The following IFT57 variants were observed in gnomAD, a reference collection of about 807,000 sequenced individuals.
IFT57 encodes the protein intraflagellar transport 57.
Under a neutral mutation model 56.8 loss-of-function variants are expected in IFT57, and 59 were observed. The ratio of observed to expected loss-of-function variants is 1.04; its 90% CI spans 0.84 to 1.29. IFT57 has a LOEUF of 1.29. IFT57 is among the 50% of genes most tolerant of loss of function. IFT57 has a pLI of 0.00. For synonymous variants in IFT57, 209 were observed against 186.1 expected, an observed-to-expected ratio of 1.12 and a Z score of -1.00; for missense variants, 470 against 522.1, an observed-to-expected ratio of 0.90 and a Z score of 0.97.
chr3:108,163,968 A>T (rs1332838593), intron 9 of IFT57, among the ~76,000 whole-genome samples: 1 of 152,002 alleles, frequency 6.6e-6, no homozygotes, highest in Non-Finnish European at 1.5e-5. Context: ...CTGTTTTCTC[A>T]TGTTGCAATA....
intron 6 of IFT57, among the ~76,000 whole-genome samples, chr3:108,170,085 G>A (rs116725858): frequency 0.012 from 1,900 of 152,078 alleles, 38 homozygotes; most frequent in Admixed American, 0.061. Context: ...TTGAAAACCG[G>A]AAAAAGACAA....
chr3:108,214,578 A>G (rs1240355255), intron 3 of IFT57, among the ~76,000 whole-genome samples: 1 of 152,174 alleles, frequency 6.6e-6, no homozygotes, highest in Non-Finnish European at 1.5e-5. Flanking sequence ...ACAATACTGA[A>G]GGAGAGTAAC....
Position 108,167,879 on chromosome 3 carries a change from C to T in IFT57, c.778-15G>A. 1 of 1,552,604 alleles carries T rather than the reference C, an allele frequency of 6.4e-7. No individual in the cohort carries two copies. The highest frequency in any genetic ancestry group is 8.7e-7 in the Non-Finnish European group (1 of 1,147,716). On this transcript the variant is annotated splice_polypyrimidine_tract_variant and intron_variant, in intron 6 of 10. Transcript: ENST00000264538. The stretch of plus-strand genomic sequence containing the variant: ...ATTCTCCAATCCTACAGGCATAGAG[C>T]ACATAGAAATAATGTAAAAAATACT...
At chr3:108,183,929 C>T (rs1030383275) in intron 6 of IFT57, among the ~76,000 whole-genome samples, 1 of 152,098 alleles carries the variant, frequency 6.6e-6, no homozygotes, top group Non-Finnish European at 1.5e-5. Flanking sequence ...GGCAGCTCAG[C>T]TTCAACTATT....
At chr3:108,201,071 T>G (rs1420475944) in intron 5 of IFT57, among the ~76,000 whole-genome samples, 2 of 152,202 alleles carry the variant, frequency 1.3e-5, no homozygotes, top group Non-Finnish European at 2.9e-5. Flanking sequence ...GGTAGAATTA[T>G]TTGTGCCCCA....
intron 5 of IFT57, among the ~76,000 whole-genome samples, chr3:108,202,710 A>T (rs1386047970): frequency 6.6e-6 from 1 of 152,230 alleles, no homozygotes; most frequent in Admixed American, 6.5e-5. Context: ...CACTAATTGC[A>T]GTTGTTGGCA....
chr3:108,189,867 A>G (rs527882998), intron 6 of IFT57, among the ~76,000 whole-genome samples: 2 of 152,030 alleles, frequency 1.3e-5, no homozygotes, highest in Non-Finnish European at 2.9e-5. Context: ...GCATTCTTAC[A>G]GCAAAGTAAA....
chr3:108,206,308 T>C (rs970492967), intron 5 of IFT57, among the ~76,000 whole-genome samples: 1 of 151,412 alleles, frequency 6.6e-6, no homozygotes, highest in African/African-American at 2.4e-5. Flanking sequence ...TCTTGGCCTA[T>C]TAAAATGGAA....
At chr3:108,187,548 C>T in intron 6 of IFT57, among the ~76,000 whole-genome samples, 1 of 149,908 alleles carries the variant, frequency 6.7e-6, no homozygotes, top group Admixed American at 6.7e-5. Context: ...GATTTTGTTT[C>T]TTTACTTCTC....
At chr3:108,189,531 C>T (rs2080203546) in intron 6 of IFT57, among the ~76,000 whole-genome samples, 2 of 152,178 alleles carry the variant, frequency 1.3e-5, no homozygotes, top group Middle Eastern at 3.4e-3. Flanking sequence ...TATCTAGAAC[C>T]TCATTCCATA....
chr3:108,163,289 T>G (rs1024194584), intron 10 of IFT57, among the ~76,000 whole-genome samples: 1 of 152,136 alleles, frequency 6.6e-6, no homozygotes, highest in African/African-American at 2.4e-5. Flanking sequence ...ATCACTGCCT[T>G]AGTGTCATTT....
chr3:108,167,762 T>C (rs775230841), intron 7 of IFT57, 31 bp downstream of exon 7: 1 of 1,412,768 alleles, frequency 7.1e-7, no homozygotes, highest in South Asian at 1.4e-5. Context: ...TGAGTAAATG[T>C]ACATTGATTC....
At chr3:108,187,598 G>A (rs1335734803) in intron 6 of IFT57, among the ~76,000 whole-genome samples, 8 of 123,266 alleles carry the variant, frequency 6.5e-5, no homozygotes, top group African/African-American at 2.4e-4. Flanking sequence ...AAAAAAAAAA[G>A]GGGGGGAGTG....
At chr3:108,173,822 A>G (rs1022642175) in intron 6 of IFT57, among the ~76,000 whole-genome samples, 3 of 127,900 alleles carry the variant, frequency 2.3e-5, no homozygotes, top group African/African-American at 9.1e-5. Flanking sequence ...ATAATATAGT[A>G]TATTATATAC....
chr3:108,167,454 G>A (rs921545551), intron 7 of IFT57, among the ~76,000 whole-genome samples: 2 of 151,766 alleles, frequency 1.3e-5, no homozygotes, highest in African/African-American at 4.8e-5. Context: ...GCAAGCCTGC[G>A]GAGGCTGTAA....
chr3:108,166,738 G>A, intron 8 of IFT57, 116 bp downstream of exon 8: 3 of 815,868 alleles, frequency 3.7e-6, no homozygotes, highest in Non-Finnish European at 5.4e-6. Flanking sequence ...GCAGAAAATT[G>A]ATGTTTTGCT....
chr3:108,162,358 G>A lies in IFT57; in HGVS notation c.*119C>T. 4.5e-6 allele frequency: 3 copies of A among 672,462 alleles called. No homozygotes were observed. Among genetic ancestry groups the A allele is most frequent in the Non-Finnish European group, 7.5e-6 (3 of 400,134 alleles). 41.7% of individuals were successfully genotyped at this position (672,462 alleles called of 1,614,324 possible). ...ATAATCACCATGATATAATATGTGAGTATGTATATGTAAAAAAATACCCAT... is the reference window on the plus strand; with the variant it reads ...ATAATCACCATGATATAATATGTGAATATGTATATGTAAAAAAATACCCAT... On this transcript the variant is annotated 3_prime_UTR_variant, in exon 11 of 11. Transcript: ENST00000264538.
In IFT57 at chr3:108,222,415, G is replaced by T; in HGVS notation, c.-93C>A. ...GCCGCCGCCAGTACAGCCACGACCGGTTACCAGGCGACCACCGGACAATCC... is the reference window on the plus strand; with the variant it reads ...GCCGCCGCCAGTACAGCCACGACCGTTTACCAGGCGACCACCGGACAATCC... On this transcript the variant is annotated 5_prime_UTR_variant, in exon 1 of 11. Coordinates refer to ENST00000264538, the MANE Select transcript of IFT57 (RefSeq NM_018010.4). 1 of 951,536 alleles carries T rather than the reference G, an allele frequency of 1.1e-6. No individual in the cohort carries two copies. The highest frequency in any genetic ancestry group is 1.5e-6 in the Non-Finnish European group (1 of 673,614). The allele number at this position is 951,536 out of a possible 1,614,324, so 58.9% of individuals were successfully genotyped here.
At chr3:108,176,941 G>T (rs2080127642) in intron 6 of IFT57, among the ~76,000 whole-genome samples, 1 of 151,750 alleles carries the variant, frequency 6.6e-6, no homozygotes. Flanking sequence ...CCCTTAAAAT[G>T]TCTACTAAGA....
Sources: gnomAD v4.1 joint callset for allele counts (sites outside exome capture counted in the v4.1 genomes callset) on GRCh38, gnomAD v4.1.1 for gene constraint, MANE v1.5 for transcripts, NCBI Gene and HGNC (gene_info 2026-07-23, HGNC 2026-07-21) for gene names.